The following ADGRA3 variants were observed in gnomAD, a reference collection of about 807,000 sequenced individuals.
The protein encoded by ADGRA3 is G-protein coupled receptor 125.
In ADGRA3, 56 loss-of-function variants were observed where a neutral mutation model predicts 119.8. The observed-to-expected ratio is 0.47, with a 90% confidence interval of 0.38 to 0.58. The LOEUF is 0.58. ADGRA3 is among the 20% of genes least tolerant of loss of function. The probability of loss-of-function intolerance (pLI) is 0.00; values close to 1 mark genes in which losing one functional copy is unlikely to be tolerated. For missense variants in ADGRA3, 1,516 were observed against 1,649.0 expected (o/e 0.92, Z 1.40); for synonymous variants, 607 against 623.8 (o/e 0.97, Z 0.40).
chr4:22,497,759 CAAAA>C (rs67569148), intron 1 of ADGRA3, among the ~76,000 whole-genome samples: 5 of 71,368 alleles, frequency 7.0e-5, no homozygotes, highest in African/African-American at 1.6e-4. Context: ...ATTGCTGTCT[CAAAA>C]AAAAAAAAAA....
chr4:22,387,549 T>C lies in ADGRA3; in HGVS notation c.*156A>G, dbSNP rs1713878444. ...TCAGATCCTAAAAAATAGCAACAAT[T>C]TGGGGATAAAAATAAGTAAAATCCA... On this transcript the variant is annotated 3_prime_UTR_variant, in exon 19 of 19. Coordinates refer to ENST00000334304, the MANE Select transcript of ADGRA3 (RefSeq NM_145290.4). The C allele has an allele frequency of 4.6e-6, 3 of 652,990 alleles. No homozygotes were observed. The highest frequency in any genetic ancestry group is 7.2e-6 in the Non-Finnish European group (3 of 413,848). 40.4% of individuals were successfully genotyped at this position (652,990 alleles called of 1,614,324 possible).
chr4:22,466,785 G>A (rs1717675630), intron 2 of ADGRA3, among the ~76,000 whole-genome samples: 1 of 152,072 alleles, frequency 6.6e-6, no homozygotes, highest in South Asian at 2.1e-4. Flanking sequence ...TGTACCAAGT[G>A]CACCTCAGTT....
Position 22,493,933 on chromosome 4 carries a change from G to A in ADGRA3, c.258-20090C>T, listed in dbSNP as rs372293115. Among the ~76,000 whole-genome samples, 356 of 152,146 alleles carry A rather than the reference G, an allele frequency of 2.3e-3. 3 individuals carry two copies. Among genetic ancestry groups the A allele is most frequent in the African/African-American group, 7.9e-3 (330 of 41,516 alleles). ...GAGTAAACTCTGGTGGGCCAGGCGC[G>A]GTGGCTCACACCTATAATCCCAGCA... On this transcript the variant is annotated intron_variant, in intron 1 of 18. Transcript: ENST00000334304.
intron 15 of ADGRA3, among the ~76,000 whole-genome samples, 179 bp downstream of exon 15, chr4:22,402,496 A>G (rs1714707925): frequency 1.3e-5 from 2 of 152,138 alleles, no homozygotes; most frequent in Admixed American, 1.3e-4. Flanking sequence ...TATCATCTCA[A>G]ATACTAATTA....
Position 22,388,414 on chromosome 4 carries a change from G to C in ADGRA3, c.3257C>G (p.Ala1086Gly). Reference sequence around the variant, plus strand: ...CGCACTGCTATTGGGGCATTTGGGTGCCTCTCCATTCGTCCCATTAGAGTT... The same window carrying C: ...CGCACTGCTATTGGGGCATTTGGGTCCCTCTCCATTCGTCCCATTAGAGTT... Reference protein sequence around the residue: ...PPNSNGTNGEAPKCPNSSAES... With the variant: ...PPNSNGTNGEGPKCPNSSAES... Residue 1086 changes from alanine to glycine, a missense_variant, in exon 19 of 19, where the codon GCA (alanine) becomes GGA (glycine). This residue lies in a region of ADGRA3 where 1,088 missense variants were observed against 1,107.1 expected (regional missense o/e 0.98). Transcript: ENST00000334304. 9 of 1,614,052 alleles carry C rather than the reference G, an allele frequency of 5.6e-6. No homozygotes were observed. The highest frequency in any genetic ancestry group is 6.8e-6 in the Non-Finnish European group (8 of 1,179,990).
At position 22,507,073 on chromosome 4, in the gene ADGRA3, T is replaced by A. The variant is rs543215438; in HGVS notation, c.257+8455A>T. On this transcript the variant is annotated intron_variant, in intron 1 of 18. Coordinates refer to ENST00000334304, the MANE Select transcript of ADGRA3 (RefSeq NM_145290.4). ...TAACACGATGAAACCCCATCTCTAC[T>A]AAAAATTAAAAAAAAAATTAGCCGG... is the stretch of plus-strand genomic sequence containing the variant. Among the ~76,000 whole-genome samples, 21 of 42,984 alleles carry A rather than the reference T, an allele frequency of 4.9e-4. No individual in the cohort carries two copies. In the South Asian group the frequency reaches 0.025, roughly 52 times the overall value. 28.2% of individuals were successfully genotyped at this position (42,984 alleles called of 152,430 possible).
At chr4:22,511,287 T>C (rs1401684009) in intron 1 of ADGRA3, among the ~76,000 whole-genome samples, 1 of 148,274 alleles carries the variant, frequency 6.7e-6, no homozygotes, top group Non-Finnish European at 1.5e-5. Context: ...AATAAGTATA[T>C]TTTCAACAAA....
intron 5 of ADGRA3, among the ~76,000 whole-genome samples, chr4:22,445,987 C>T (rs921027154): frequency 6.6e-6 from 1 of 152,178 alleles, no homozygotes; most frequent in Non-Finnish European, 1.5e-5. Flanking sequence ...GGACCCTGTT[C>T]ATGCCAACAT....
At chr4:22,417,732 G>A (rs746175768) in intron 12 of ADGRA3, among the ~76,000 whole-genome samples, 26 of 152,094 alleles carry the variant, frequency 1.7e-4, no homozygotes, top group Non-Finnish European at 3.2e-4. Context: ...GGGATTAACA[G>A]GCAATGGTTA....
chr4:22,482,358 C>T (rs1398810626), intron 1 of ADGRA3, among the ~76,000 whole-genome samples: 2 of 151,984 alleles, frequency 1.3e-5, no homozygotes, highest in Admixed American at 6.6e-5. Flanking sequence ...CATTCTTCAC[C>T]AGCACCCTGT....
intron 11 of ADGRA3, among the ~76,000 whole-genome samples, chr4:22,423,788 G>A (rs149888293): frequency 1.9e-4 from 29 of 152,274 alleles, no homozygotes; most frequent in Admixed American, 3.3e-4. Context: ...AGGCTCAGAT[G>A]GACTATGGGT....
intron 1 of ADGRA3, among the ~76,000 whole-genome samples, chr4:22,509,224 C>T (rs1055979954): frequency 1.3e-5 from 2 of 151,912 alleles, no homozygotes; most frequent in African/African-American, 4.8e-5. Flanking sequence ...AGTTCACAGC[C>T]GGGAGTGGTG....
At chr4:22,498,635 GC>G (rs1347427833) in intron 1 of ADGRA3, among the ~76,000 whole-genome samples, 6 of 151,828 alleles carry the variant, frequency 4.0e-5, no homozygotes, top group Non-Finnish European at 8.8e-5. Flanking sequence ...AAAAAGGAGG[GC>G]CAGGCGCGGT....
intron 17 of ADGRA3, among the ~76,000 whole-genome samples, chr4:22,389,742 T>C (rs1435238311): frequency 1.3e-5 from 2 of 152,028 alleles, no homozygotes; most frequent in African/African-American, 2.4e-5. Context: ...CCTGACCCCT[T>C]TTCCAAAGAG....
chr4:22,392,485 T>C, intron 17 of ADGRA3, 60 bp downstream of exon 17: 1 of 1,584,186 alleles, frequency 6.3e-7, no homozygotes. Flanking sequence ...TTGTTATAAT[T>C]TATGATTATG....
intron 1 of ADGRA3, among the ~76,000 whole-genome samples, chr4:22,475,433 A>G (rs1056438784): frequency 6.6e-6 from 1 of 152,212 alleles, no homozygotes; most frequent in African/African-American, 2.4e-5. Flanking sequence ...ATGCAAAGGC[A>G]TAAGAATGAC....
In ADGRA3 at chr4:22,445,054, C is replaced by T; in HGVS notation, c.625G>A (p.Val209Ile). 2 of 1,613,934 alleles carry T rather than the reference C, an allele frequency of 1.2e-6. No homozygotes were observed. Among genetic ancestry groups the T allele is most frequent in the East Asian group, 2.2e-5 (1 of 44,868 alleles). Residue 209 changes from valine (V) to isoleucine (I), a missense_variant, in exon 6 of 19, where the codon GTA (valine) becomes ATA (isoleucine). This residue lies in a region of ADGRA3 where 428 missense variants were observed against 541.9 expected (regional missense o/e 0.79). Coordinates refer to ENST00000334304, the MANE Select transcript of ADGRA3 (RefSeq NM_145290.4). ...HRWVKEKNIT[V>I]RDTRCVYPKS... ...GGATAAACACACCTGGTATCCCGTA[C>T]CGTGATGTTCTTCTCCTTTACCCAG...
At position 22,455,869 on chromosome 4, in the gene ADGRA3, C is replaced by T. The variant is rs763904247; in HGVS notation, c.402-932G>A. The T allele has an allele frequency of 2.6e-5, 33 of 1,254,630 alleles. 1 individual carries two copies. The South Asian group carries it at 4.2e-4, about 16-fold the overall frequency. 77.7% of individuals were successfully genotyped at this position (1,254,630 alleles called of 1,614,324 possible). A position where few individuals can be genotyped will look rare whatever the true frequency, so the allele number is the denominator to read the frequency against. On this transcript the variant is annotated intron_variant, in intron 3 of 18. Transcript: ENST00000334304. ...TGGACTTAGCCCTATGCAAGAAAAC[C>T]CTAAAACAATGAATCTTAAGTTTTA...
chr4:22,434,303 C>T (rs1156853545), intron 10 of ADGRA3, among the ~76,000 whole-genome samples: 1 of 151,132 alleles, frequency 6.6e-6, no homozygotes, highest in African/African-American at 2.4e-5. Context: ...TTATTATTTA[C>T]ATTTTAGCAA....
Sources: gnomAD v4.1 joint callset for allele counts (sites outside exome capture counted in the v4.1 genomes callset) on GRCh38, gnomAD v4.1.1 for gene constraint, gnomAD v4.1.1 regional missense constraint, MANE v1.5 for transcripts, NCBI Gene and HGNC (gene_info 2026-07-23, HGNC 2026-07-21) for gene names.